Variants in ALK observed in about 807,000 individuals in gnomAD.
ALK encodes ALK receptor tyrosine kinase.
ALK carries 74 observed loss-of-function variants against 163.1 expected under a neutral mutation model. That is an observed-to-expected ratio of 0.45 (90% CI 0.38 to 0.55). The LOEUF (loss-of-function observed/expected upper bound fraction) is 0.55, where lower values mean the gene tolerates loss of function less well. Among genes scored for constraint, ALK ranks in the 20% least tolerant of loss-of-function variants. The pLI is 0.00. For synonymous variants in ALK, 960 were observed against 843.2 expected, an observed-to-expected ratio of 1.14 and a Z score of -2.40; for missense variants, 2,063 against 2,105.3, an observed-to-expected ratio of 0.98 and a Z score of 0.39.
intron 5 of ALK, 148 bp from the exon 6 acceptor site, chr2:29,328,629 A>G: frequency 9.0e-7 from 1 of 1,114,656 alleles, no homozygotes; most frequent in Non-Finnish European, 1.3e-6. Context: ...AGACATCTGC[A>G]TCTCCATCTG....
Position 29,223,718 on chromosome 2 carries a change from G to C in ALK, c.3173-190C>G, listed in dbSNP as rs956955122. On this transcript the variant is annotated intron_variant, in intron 19 of 28. Coordinates refer to ENST00000389048, the MANE Select transcript of ALK (RefSeq NM_004304.5). ...GTCTTTAATTGAAGCATGATTTAAA[G>C]TAAATGCAAAGCTAAAAATCAGATA... 2.3e-5 allele frequency: 14 copies of C among 614,950 alleles called. No homozygotes were observed. In the Admixed American group the frequency reaches 2.6e-4, roughly 11 times the overall value. 38.1% of individuals were successfully genotyped at this position (614,950 alleles called of 1,614,324 possible). A position where few individuals can be genotyped will look rare whatever the true frequency, so the allele number is the denominator to read the frequency against.
At chr2:29,353,543 T>C (rs565959924) in intron 5 of ALK, among the ~76,000 whole-genome samples, 27 of 152,210 alleles carry the variant, frequency 1.8e-4, no homozygotes, top group Non-Finnish European at 3.8e-4. Flanking sequence ...CCTCCATCTC[T>C]AGAGAGCAGA....
At chr2:29,317,636 A>G (rs1666868091) in intron 8 of ALK, among the ~76,000 whole-genome samples, 1 of 152,236 alleles carries the variant, frequency 6.6e-6, no homozygotes. Flanking sequence ...TGAAGCCCCA[A>G]GAGGTTAATT....
rs1391059611 is a variant in ALK, at chr2:29,920,570, G to T, written c.90C>A (p.Gly30=). The T allele has an allele frequency of 6.3e-7, 1 of 1,591,474 alleles. No individual in the cohort carries two copies. The highest frequency in any genetic ancestry group is 8.5e-7 in the Non-Finnish European group (1 of 1,172,724). The part of the protein sequence containing the change: ...GSGMGTGQRA[G]SPAAGPPLQP... ...GCAGCGGCGGCCCCGCAGCTGGGGA[G>T]CCCGCGCGCTGGCCGGTCCCCATCC... The change falls in exon 1 of 29, where the codon GGC becomes GGA. Residue 30 remains glycine (G), a synonymous_variant. Coordinates refer to ENST00000389048, the MANE Select transcript of ALK (RefSeq NM_004304.5).
At chr2:29,234,337 T>C (rs1047783125) in intron 13 of ALK, among the ~76,000 whole-genome samples, 1 of 152,154 alleles carries the variant, frequency 6.6e-6, no homozygotes, top group Non-Finnish European at 1.5e-5. Flanking sequence ...TCATTCTCTA[T>C]GAGAGCCGTT....
chr2:29,692,453 T>C lies in ALK; in HGVS notation c.952+2397A>G, dbSNP rs180777699. Among the ~76,000 whole-genome samples the C allele has an allele frequency of 2.0e-3, 300 of 152,362 alleles. 1 individual carries two copies. Among genetic ancestry groups the C allele is most frequent in the Non-Finnish European group, 3.6e-3 (244 of 68,040 alleles). The stretch of plus-strand genomic sequence containing the variant: ...AAGACAATTTTTCCACGGATGGTTT[T>C]GGGATGAAACTGTTCCACCTCAGAT... On this transcript the variant is annotated intron_variant, in intron 3 of 28. Transcript: ENST00000389048.
intron 4 of ALK, among the ~76,000 whole-genome samples, chr2:29,450,414 A>T (rs1670791863): frequency 6.6e-6 from 1 of 152,118 alleles, no homozygotes; most frequent in Admixed American, 6.5e-5. Context: ...TCCAGGGCAC[A>T]GGGCTGAGCC....
At chr2:29,449,334 A>G (rs917426574) in intron 4 of ALK, among the ~76,000 whole-genome samples, 3 of 152,210 alleles carry the variant, frequency 2.0e-5, no homozygotes, top group Non-Finnish European at 4.4e-5. Flanking sequence ...AAGCACGTTC[A>G]TTGCCTAGTG....
chr2:29,478,655 T>C (rs546782379), intron 4 of ALK, among the ~76,000 whole-genome samples: 1 of 152,312 alleles, frequency 6.6e-6, no homozygotes, highest in South Asian at 2.1e-4. Context: ...GCCAGGTGAT[T>C]GAGGATTGAT....
In ALK at chr2:29,734,357, A is replaced by G. The variant is rs146558826; in HGVS notation, c.668-16660T>C. Among the ~76,000 whole-genome samples, 67 of 152,266 alleles carry G rather than the reference A, an allele frequency of 4.4e-4. No homozygotes were observed. The East Asian group carries it at 0.011, about 26-fold the overall frequency. On this transcript the variant is annotated intron_variant, in intron 1 of 28. Coordinates refer to ENST00000389048, the MANE Select transcript of ALK (RefSeq NM_004304.5). ...TCTAACGTTTTCAGATTTTTTTAAC[A>G]TGAAAAAAAGATAAAGCTCGGGGAC...
At chr2:29,398,809 G>C (rs1054966065) in intron 4 of ALK, among the ~76,000 whole-genome samples, 2 of 152,180 alleles carry the variant, frequency 1.3e-5, no homozygotes, top group African/African-American at 4.8e-5. Flanking sequence ...GAATTCTGTG[G>C]GTGGTTGCAA....
At chr2:29,413,864 C>T (rs539212796) in intron 4 of ALK, among the ~76,000 whole-genome samples, 8 of 152,232 alleles carry the variant, frequency 5.3e-5, no homozygotes, top group Non-Finnish European at 8.8e-5. Context: ...GACGGGGTTT[C>T]GCCATGTTGG....
chr2:29,869,517 C>T (rs6720295), intron 1 of ALK, among the ~76,000 whole-genome samples: 66,759 of 151,834 alleles, frequency 0.44, 15,479 homozygotes, highest in Non-Finnish European at 0.5. Flanking sequence ...AAGGAAGGAA[C>T]GAATTATTTT....
At chr2:29,473,972 A>G (rs539537428) in intron 4 of ALK, among the ~76,000 whole-genome samples, 3 of 152,364 alleles carry the variant, frequency 2.0e-5, no homozygotes, top group Admixed American at 6.5e-5. Context: ...TTCTCAATAC[A>G]TTGCTGGGAG....
chr2:29,325,710 T>C (rs1667235485), intron 6 of ALK, among the ~76,000 whole-genome samples: 1 of 152,260 alleles, frequency 6.6e-6, no homozygotes, highest in Non-Finnish European at 1.5e-5. Flanking sequence ...ATCAGTTTGA[T>C]CGTGGACAAC....
intron 23 of ALK, among the ~76,000 whole-genome samples, chr2:29,216,935 G>GCA (rs369676103): frequency 0.12 from 3,344 of 28,856 alleles, 130 homozygotes; most frequent in African/African-American, 0.16. Flanking sequence ...TGTGTGGGGG[G>GCA]TGTGTGTGTG....
chr2:29,538,192 G>T (rs976178150), intron 3 of ALK, among the ~76,000 whole-genome samples: 2 of 152,108 alleles, frequency 1.3e-5, no homozygotes, highest in Non-Finnish European at 2.9e-5. Context: ...TGATATTTGG[G>T]GGGGGCAGGG....
intron 2 of ALK, among the ~76,000 whole-genome samples, chr2:29,710,492 C>CTGTG (rs1197448193): frequency 2.0e-5 from 2 of 102,126 alleles, no homozygotes; most frequent in South Asian, 4.0e-4. Flanking sequence ...CAACCTCAGT[C>CTGTG]TGTGTGCGTG....
At chr2:29,377,469 C>T (rs1426096289) in intron 5 of ALK, among the ~76,000 whole-genome samples, 17 of 71,424 alleles carry the variant, frequency 2.4e-4, no homozygotes, top group African/African-American at 9.4e-4. Context: ...AGTGAGACTA[C>T]ATCTCAAAAA....
Sources: allele counts gnomAD v4.1 joint callset (sites outside exome capture counted in the v4.1 genomes callset), GRCh38; gene constraint gnomAD v4.1.1; transcripts MANE v1.5; gene names NCBI Gene and HGNC (gene_info 2026-07-23, HGNC 2026-07-21).